Variants in ZSCAN1 observed in about 807,000 individuals in gnomAD.
ZSCAN1 encodes zinc finger and SCAN domain-containing protein 1.
Under a neutral mutation model 23.8 loss-of-function variants are expected in ZSCAN1, and 23 were observed. The observed-to-expected ratio is 0.97, with a 90% CI of 0.70 to 1.37. The LOEUF is 1.37. Ranked by LOEUF, ZSCAN1 falls within the 40% of genes most tolerant of loss-of-function variation. ZSCAN1 has a pLI of 0.00. For missense variants in ZSCAN1, 575 were observed against 554.0 expected, an observed-to-expected ratio of 1.04 and a Z score of -0.38; for synonymous variants, 236 against 232.3, an observed-to-expected ratio of 1.02 and a Z score of -0.15.
intron 4 of ZSCAN1, among the ~76,000 whole-genome samples, chr19:58,042,359 G>A (rs1036776700): frequency 6.6e-6 from 1 of 151,586 alleles, no homozygotes; most frequent in Non-Finnish European, 1.5e-5. Context: ...CCGGGTTCAC[G>A]CCATTCTCCT....
rs375992446 is a variant in ZSCAN1, at chr19:58,040,443, C to G, written c.371-7C>G. 67 of 1,613,380 alleles carry G rather than the reference C, an allele frequency of 4.2e-5. No individual in the cohort carries two copies. The African/African-American group carries it at 8.7e-4, about 21-fold the overall frequency. On this transcript the variant is annotated splice_region_variant and splice_polypyrimidine_tract_variant and intron_variant, in intron 3 of 5. Transcript: ENST00000282326. This position sits in a 1 kb window ranked among gnomAD's most constrained non-coding sequence, Gnocchi z 5.8. ...GGCCCCTCTCACGATCCCTTTCTCC[C>G]GCACAGTTCTGGTATCTCTGGACTC... is the stretch of plus-strand genomic sequence containing the variant.
rs138106499 is a variant in ZSCAN1 at position 58,053,722 on chromosome 19, G to A, written c.898G>A (p.Val300Ile). 4.3e-6 allele frequency: 7 copies of A among 1,614,002 alleles called. No individual in the cohort carries two copies. In the African/African-American group the frequency reaches 8.0e-5, roughly 18 times the overall value. ...CTTCCAGTGTGCCGACTGTGGGATG[G>A]TCTTCACCTGGGTCACCCACTTCAT... is the stretch of plus-strand genomic sequence containing the variant. ...RPFQCADCGM[V>I]FTWVTHFIEH... Residue 300 changes from valine to isoleucine, a missense_variant, in exon 6 of 6, where the codon GTC (valine) becomes ATC (isoleucine). Coordinates refer to ENST00000282326, the MANE Select transcript of ZSCAN1 (RefSeq NM_182572.4). The surrounding 1 kb of genome is among the most constrained non-coding windows in gnomAD (Gnocchi z 5.8).
rs969538476 is a variant in ZSCAN1 at position 58,047,994 on chromosome 19, C to T, written c.466-4496C>T. Among the ~76,000 whole-genome samples, 5 of 152,182 alleles carry T rather than the reference C, an allele frequency of 3.3e-5. No individual in the cohort carries two copies. The highest frequency in any genetic ancestry group is 7.4e-5 in the Non-Finnish European group (5 of 68,026). ...TTGGTTCCTGGTAAAAATGTCCCTC[C>T]GGGGGCCTCCAAGCATAGGATTTGG... On this transcript the variant is annotated intron_variant, in intron 4 of 5. Coordinates refer to ENST00000282326, the MANE Select transcript of ZSCAN1 (RefSeq NM_182572.4). The surrounding 1 kb of genome is among the most constrained non-coding windows in gnomAD (Gnocchi z 4.9).
chr19:58,043,357 T>C (rs1256027801), intron 4 of ZSCAN1, among the ~76,000 whole-genome samples: 3 of 152,248 alleles, frequency 2.0e-5, no homozygotes, highest in Non-Finnish European at 4.4e-5. Context: ...GGGGCTGCAC[T>C]GAATACTGTG....
rs1829620635 is a variant in ZSCAN1 at position 58,040,760 on chromosome 19, CTG to C, written c.465+221_465+222del. Among the ~76,000 whole-genome samples the C allele has an allele frequency of 6.6e-6, 1 of 152,210 alleles. No homozygotes were observed. Reference sequence around the variant, plus strand: ...GGCAGTCAGTGCAGCTGTGTGTTTGCTGTGTGCCTCTGGGCCTCACCCCAGCC... The same window carrying C: ...GGCAGTCAGTGCAGCTGTGTGTTTGCTGTGCCTCTGGGCCTCACCCCAGCC... On this transcript the variant is annotated intron_variant, in intron 4 of 5. Coordinates refer to ENST00000282326, the MANE Select transcript of ZSCAN1 (RefSeq NM_182572.4). The surrounding 1 kb of genome is among the most constrained non-coding windows in gnomAD (Gnocchi z 5.8).
rs973277347 is a variant in ZSCAN1, at chr19:58,040,376, C to T, written c.371-74C>T. On this transcript the variant is annotated intron_variant, in intron 3 of 5. Coordinates refer to ENST00000282326, the MANE Select transcript of ZSCAN1 (RefSeq NM_182572.4). The surrounding 1 kb of genome is among the most constrained non-coding windows in gnomAD (Gnocchi z 5.8). The stretch of plus-strand genomic sequence containing the variant: ...CAGGGATGTTCGGGGAAAGTCTGCC[C>T]TCCCCAGAAGGCCTGGAGAATTGGG... 6.6e-7 allele frequency: 1 copy of T among 1,514,856 alleles called. No individual in the cohort carries two copies. Among genetic ancestry groups the T allele is most frequent in the Non-Finnish European group, 9.1e-7 (1 of 1,094,766 alleles). The allele number at this position is 1,514,856 out of a possible 1,614,324, so 93.8% of individuals were successfully genotyped here.
downstream of ZSCAN1, among the ~76,000 whole-genome samples, chr19:58,055,067 T>A (rs2073882983): frequency 2.0e-5 from 3 of 152,176 alleles, no homozygotes; most frequent in African/African-American, 7.2e-5. Context: ...TCGTCCCCTT[T>A]CAAGCAAAAG....
At chr19:58,039,736 A>T (rs2123422662) in intron 3 of ZSCAN1, among the ~76,000 whole-genome samples, 1 of 141,090 alleles carries the variant, frequency 7.1e-6, no homozygotes, top group African/African-American at 2.6e-5. Flanking sequence ...ACGCCACTGC[A>T]CTGCAGCCTG....
At position 58,053,637 on chromosome 19, in the gene ZSCAN1, T is replaced by C. The variant is rs765497312; in HGVS notation, c.813T>C (p.Gly271=). Residue 271 remains glycine, a synonymous_variant, in exon 6 of 6, where the codon GGT becomes GGC. Coordinates refer to ENST00000282326, the MANE Select transcript of ZSCAN1 (RefSeq NM_182572.4). The surrounding 1 kb of genome is among the most constrained non-coding windows in gnomAD (Gnocchi z 5.8). ...HQPSLKHTKG[G]TQEAVAGISV... is the part of the protein sequence containing the mutation. ...CATCCCTCAAGCACACCAAAGGTGG[T>C]ACCCAAGAGGCTGTTGCAGGCATCT... 6.2e-7 allele frequency: 1 copy of C among 1,614,072 alleles called. No homozygotes were observed. Among genetic ancestry groups the C allele is most frequent in the Non-Finnish European group, 8.5e-7 (1 of 1,179,998 alleles).
chr19:58,052,904 G>T (rs540090397), intron 5 of ZSCAN1, among the ~76,000 whole-genome samples: 1 of 152,122 alleles, frequency 6.6e-6, no homozygotes, highest in African/African-American at 2.4e-5. Context: ...TTACCCAGAG[G>T]GCCAGCCAGG....
chr19:58,034,289 G>GGGAGGCGGGCCCGGGCCCGGGA (rs1292774440), intron 1 of ZSCAN1, 128 bp downstream of exon 1: 6 of 150,082 alleles, frequency 4.0e-5, no homozygotes, highest in Non-Finnish European at 9.0e-5. Flanking sequence ...CGCGCGTCGG[G>GGGAGGCGGGCCCGGGCCCGGGA]GGAGGCGGGC....
Position 58,052,442 on chromosome 19 carries a change from T to C in ZSCAN1, c.466-48T>C, listed in dbSNP as rs774752673. The C allele has an allele frequency of 1.1e-5, 18 of 1,612,342 alleles. No individual in the cohort carries two copies. In the Admixed American group the frequency reaches 1.2e-4, roughly 10 times the overall value. ...GGTTGTTCGGTGGTGGTGGGGAGGATGGCTCCTGAGGGGCAGCTGCCGAAC... is the reference window on the plus strand; with the variant it reads ...GGTTGTTCGGTGGTGGTGGGGAGGACGGCTCCTGAGGGGCAGCTGCCGAAC... On this transcript the variant is annotated intron_variant, in intron 4 of 5. Coordinates refer to ENST00000282326, the MANE Select transcript of ZSCAN1 (RefSeq NM_182572.4).
intron 4 of ZSCAN1, among the ~76,000 whole-genome samples, chr19:58,041,128 G>A (rs1259024379): frequency 6.6e-6 from 1 of 152,244 alleles, no homozygotes; most frequent in Non-Finnish European, 1.5e-5. Context: ...ACTGCTAAGT[G>A]AGTAGCATGT....
chr19:58,044,263 A>G (rs550817131), intron 4 of ZSCAN1, among the ~76,000 whole-genome samples: 32 of 151,396 alleles, frequency 2.1e-4, no homozygotes, highest in Admixed American at 1.8e-3. Context: ...CAGGAGCGAA[A>G]CTCCGTCTCA....
intron 4 of ZSCAN1, among the ~76,000 whole-genome samples, chr19:58,051,950 C>G (rs1037684822): frequency 1.3e-5 from 2 of 152,230 alleles, no homozygotes; most frequent in Admixed American, 6.5e-5. Flanking sequence ...CCGCTTTGGG[C>G]GGGACACGGT....
In ZSCAN1 at chr19:58,038,175, G is replaced by A. The variant is rs2073754382; in HGVS notation, c.339G>A (p.Val113=). The A allele has an allele frequency of 1.2e-6, 2 of 1,607,764 alleles. No individual in the cohort carries two copies. Among genetic ancestry groups the A allele is most frequent in the Admixed American group, 1.7e-5 (1 of 59,670 alleles). The change falls in exon 3 of 6, where the codon GTG becomes GTA. Residue 113 remains valine, a synonymous_variant. Coordinates refer to ENST00000282326, the MANE Select transcript of ZSCAN1 (RefSeq NM_182572.4). ...PRSCREAASL[V]EDLTQMCQQE... is the part of the protein sequence containing the mutation. ...GCTGCAGGGAGGCCGCCAGCCTGGT[G>A]GAGGACCTCACACAGATGTGCCAGC...
rs555911957 is a variant in ZSCAN1, at chr19:58,046,283, A to G, written c.465+5739A>G. ...AAGGAGGAGCTGGAGCTGCTGAAGG[A>G]GGACATGCAGGACTACAGCGAGGAC... On this transcript the variant is annotated intron_variant, in intron 4 of 5. Transcript: ENST00000282326. 34 of 789,890 alleles carry G rather than the reference A, an allele frequency of 4.3e-5. No individual in the cohort carries two copies. In the African/African-American group the frequency reaches 5.6e-4, roughly 13 times the overall value. 48.9% of individuals were successfully genotyped at this position (789,890 alleles called of 1,614,324 possible). A position where few individuals can be genotyped will look rare whatever the true frequency, so the allele number is the denominator to read the frequency against.
chr19:58,040,523 G>A lies in ZSCAN1; in HGVS notation c.444G>A (p.Arg148=), dbSNP rs770567249. Residue 148 remains arginine, a synonymous_variant, in exon 4 of 6, where the codon AGG becomes AGA. Transcript: ENST00000282326. The surrounding 1 kb of genome is among the most constrained non-coding windows in gnomAD (Gnocchi z 5.8). ...FGEEEDGKSP[R]SQKEPSQASE... ...AGGAGGAAGATGGGAAGAGTCCAAG[G>A]TCCCAGAAAGAACCATCGCAGGTGA... 3.8e-5 allele frequency: 61 copies of A among 1,613,376 alleles called. No individual in the cohort carries two copies. The Admixed American group carries it at 4.0e-4, about 11-fold the overall frequency.
At chr19:58,055,739 T>G (rs868253483), downstream of ZSCAN1, among the ~76,000 whole-genome samples, 8 of 152,334 alleles carry the variant, frequency 5.3e-5, no homozygotes, top group Middle Eastern at 3.4e-3. Context: ...GGTCTCCACC[T>G]GCTGGAGGCA....
Sources: allele counts gnomAD v4.1 joint callset (sites outside exome capture counted in the v4.1 genomes callset), GRCh38; gene constraint gnomAD v4.1.1; non-coding constraint Gnocchi (gnomAD v3.1); transcripts MANE v1.5; gene names NCBI Gene and HGNC (gene_info 2026-07-23, HGNC 2026-07-21).